The following PPP2R3A variants were observed in gnomAD, a reference collection of about 807,000 sequenced individuals.
PPP2R3A encodes the protein protein phosphatase 2 regulatory subunit B''alpha, also known as serine/threonine-protein phosphatase 2A regulatory subunit B'' subunit alpha.
A neutral mutation model predicts 106.9 loss-of-function variants in PPP2R3A; 80 were observed. The observed-to-expected ratio is 0.75, with a 90% confidence interval of 0.62 to 0.90. PPP2R3A has a LOEUF of 0.90. Among genes scored for constraint, PPP2R3A ranks in the 40% least tolerant of loss-of-function variants. The pLI, the probability that PPP2R3A is intolerant of heterozygous loss-of-function variation, is 0.00. For missense variants in PPP2R3A, 1,386 were observed against 1,350.4 expected (o/e 1.03, Z -0.41); for synonymous variants, 483 against 468.3 (o/e 1.03, Z -0.41).
At chr3:136,086,317 A>C (rs1936927170) in intron 8 of PPP2R3A, among the ~76,000 whole-genome samples, 2 of 152,104 alleles carry the variant, frequency 1.3e-5, no homozygotes, top group Admixed American at 1.3e-4. Flanking sequence ...CCCCATCTCT[A>C]CTAAAAATAC....
intron 10 of PPP2R3A, among the ~76,000 whole-genome samples, chr3:136,093,034 C>T (rs1023187815): frequency 1.3e-5 from 2 of 152,150 alleles, no homozygotes; most frequent in African/African-American, 4.8e-5. Flanking sequence ...TTTTCACGAC[C>T]TTGGCTAGGC....
rs776086091 is a variant in PPP2R3A, at chr3:136,106,285, G to A, written c.3292G>A (p.Val1098Ile). Residue 1098 changes from valine (V) to isoleucine (I), a missense_variant, in exon 13 of 14, where the codon GTT (valine) becomes ATT (isoleucine). Val to Ile is a conservative substitution (Grantham distance 29, BLOSUM62 3). Coordinates refer to ENST00000264977, the MANE Select transcript of PPP2R3A (RefSeq NM_002718.5). ...TGCCGCTGAGGAGTATGAGACGCTT[G>A]TTGCAGAGGAATCTGCCCAAGCACA... ...RFAAEEYETL[V>I]AEESAQAQFQ... is the part of the protein sequence containing the mutation. 20 of 1,613,732 alleles carry A rather than the reference G, an allele frequency of 1.2e-5. No homozygotes were observed. The highest frequency in any genetic ancestry group is 8.3e-5 in the Admixed American group (5 of 59,934).
At chr3:136,066,205 C>G (rs992605331) in intron 5 of PPP2R3A, among the ~76,000 whole-genome samples, 10 of 152,120 alleles carry the variant, frequency 6.6e-5, no homozygotes, top group African/African-American at 2.4e-4. Context: ...TTCTGCCAAA[C>G]CTTCAACAAC....
intron 1 of PPP2R3A, among the ~76,000 whole-genome samples, chr3:135,997,257 T>C (rs1181857062): frequency 1.3e-5 from 2 of 152,176 alleles, no homozygotes; most frequent in Non-Finnish European, 2.9e-5. Context: ...CCAGCAACCT[T>C]CATATTGGCA....
chr3:136,043,016 A>G (rs1402765873), intron 4 of PPP2R3A, among the ~76,000 whole-genome samples: 1 of 151,906 alleles, frequency 6.6e-6, no homozygotes, highest in Non-Finnish European at 1.5e-5. Flanking sequence ...GGGCTCAAGT[A>G]TAGTATATTA....
rs192793754 is a variant in PPP2R3A at position 136,019,155 on chromosome 3, A to G, written c.1996-7677A>G. Among the ~76,000 whole-genome samples, 561 of 152,340 alleles carry G rather than the reference A, an allele frequency of 3.7e-3. 1 individual carries two copies. Among genetic ancestry groups the G allele is most frequent in the Non-Finnish European group, 4.6e-3 (315 of 68,022 alleles). On this transcript the variant is annotated intron_variant, in intron 2 of 13. Transcript: ENST00000264977. ...CTGCAGGCCAAGAAGAGATGCAGGC[A>G]GCTGTGCAGGAAGTTCCTACTGGTG...
intron 3 of PPP2R3A, among the ~76,000 whole-genome samples, chr3:136,036,989 T>C (rs911520694): frequency 6.6e-6 from 1 of 152,226 alleles, no homozygotes; most frequent in African/African-American, 2.4e-5. Context: ...TTATGATAGG[T>C]TGGCATAGGA....
chr3:135,968,029 A>T (rs1276251815), intron 1 of PPP2R3A, among the ~76,000 whole-genome samples: 1 of 152,154 alleles, frequency 6.6e-6, no homozygotes, highest in Non-Finnish European at 1.5e-5. Flanking sequence ...TTAGTTAAGA[A>T]CCACTGTTGT....
intron 1 of PPP2R3A, among the ~76,000 whole-genome samples, chr3:135,987,876 A>G (rs2107768915): frequency 6.6e-6 from 1 of 152,348 alleles, no homozygotes; most frequent in South Asian, 2.1e-4. Flanking sequence ...TCATCATCAC[A>G]GAAAGTTCCA....
At chr3:136,141,460 G>C (rs1938869987) in intron 13 of PPP2R3A, among the ~76,000 whole-genome samples, 1 of 152,180 alleles carries the variant, frequency 6.6e-6, no homozygotes, top group Non-Finnish European at 1.5e-5. Flanking sequence ...TGTTAAGCAA[G>C]GGAGTGATAT....
chr3:136,141,411 G>T (rs1184009598), intron 13 of PPP2R3A, among the ~76,000 whole-genome samples: 1 of 152,230 alleles, frequency 6.6e-6, no homozygotes, highest in East Asian at 1.9e-4. Context: ...AGTCTAGCAG[G>T]GGCCAGATCA....
intron 10 of PPP2R3A, among the ~76,000 whole-genome samples, chr3:136,100,550 GC>G (rs989750347): frequency 5.9e-5 from 9 of 151,772 alleles, no homozygotes; most frequent in Non-Finnish European, 1.0e-4. Context: ...ATGGCGGCAG[GC>G]ACCTGTCATC....
intron 1 of PPP2R3A, among the ~76,000 whole-genome samples, chr3:135,988,788 T>C (rs912059130): frequency 1.3e-4 from 20 of 152,212 alleles, no homozygotes; most frequent in African/African-American, 4.3e-4. Context: ...CTCTATAGCC[T>C]GTATTTTCTG....
chr3:136,111,901 A>G (rs1223222213), intron 13 of PPP2R3A, among the ~76,000 whole-genome samples: 3 of 152,236 alleles, frequency 2.0e-5, no homozygotes, highest in Non-Finnish European at 4.4e-5. Context: ...ACAACAAAAT[A>G]GTAGCAAATT....
At position 135,977,572 on chromosome 3, in the gene PPP2R3A, C is replaced by T. The variant is rs985614141; in HGVS notation, c.-441+11723C>T. ...AATGGACTGTTGGTTAAAGATGGAG[C>T]ATGTGTGCAACACGTGTCAAAATAT... On this transcript the variant is annotated intron_variant, in intron 1 of 13. Transcript: ENST00000264977. Among the ~76,000 whole-genome samples, 7 of 151,208 alleles carry T rather than the reference C, an allele frequency of 4.6e-5. No individual in the cohort carries two copies. The South Asian group carries it at 1.0e-3, about 22-fold the overall frequency.
At chr3:136,030,768 A>G (rs907687841) in intron 3 of PPP2R3A, among the ~76,000 whole-genome samples, 17 of 117,250 alleles carry the variant, frequency 1.4e-4, no homozygotes, top group African/African-American at 7.2e-4. Flanking sequence ...TCACATATAT[A>G]TATATATATA....
rs759175623 is a variant in PPP2R3A, at chr3:136,103,314, A to G, written c.3160A>G (p.Thr1054Ala). The G allele has an allele frequency of 1.2e-6, 2 of 1,611,352 alleles. No individual in the cohort carries two copies. Among genetic ancestry groups the G allele is most frequent in the Non-Finnish European group, 1.7e-6 (2 of 1,177,788 alleles). Reference sequence around the variant, plus strand: ...CAGAATGGCTCACATCTTCTATGACACTTTCTTTAATCTGGAGAAATACTT... The same window carrying G: ...CAGAATGGCTCACATCTTCTATGACGCTTTCTTTAATCTGGAGAAATACTT... Reference protein sequence around the residue: ...RCRMAHIFYDTFFNLEKYLDH... With the variant: ...RCRMAHIFYDAFFNLEKYLDH... Residue 1054 changes from threonine to alanine, a missense_variant, in exon 12 of 14, where the codon ACT (threonine) becomes GCT (alanine). Thr to Ala is a moderately conservative substitution (Grantham distance 58). Coordinates refer to ENST00000264977, the MANE Select transcript of PPP2R3A (RefSeq NM_002718.5).
intron 1 of PPP2R3A, among the ~76,000 whole-genome samples, chr3:135,973,719 T>C (rs9834104): frequency 0.24 from 37,000 of 152,154 alleles, 5,151 homozygotes; most frequent in Non-Finnish European, 0.32. Flanking sequence ...TATCAGCTTT[T>C]AAACTTCCAG....
intron 10 of PPP2R3A, among the ~76,000 whole-genome samples, chr3:136,097,840 G>A: frequency 6.6e-6 from 1 of 152,200 alleles, no homozygotes; most frequent in East Asian, 1.9e-4. Flanking sequence ...TCCCAACAGT[G>A]TAACAACCAG....
Sources: gnomAD v4.1 joint callset for allele counts (sites outside exome capture counted in the v4.1 genomes callset) on GRCh38, gnomAD v4.1.1 for gene constraint, MANE v1.5 for transcripts, NCBI Gene and HGNC (gene_info 2026-07-23, HGNC 2026-07-21) for gene names.